The following KCNIP4 variants were observed in gnomAD, a reference collection of about 807,000 sequenced individuals.
KCNIP4 encodes the protein potassium voltage-gated channel interacting protein 4.
KCNIP4 carries 12 observed loss-of-function variants against 34.0 expected under a neutral mutation model. That is an observed-to-expected ratio of 0.35 (90% CI 0.23 to 0.57). KCNIP4 has a LOEUF of 0.57. Ranked by LOEUF, KCNIP4 falls within the 20% of genes least tolerant of loss-of-function variation. The pLI, the probability that KCNIP4 is intolerant of heterozygous loss-of-function variation, is 0.83. For missense variants in KCNIP4, 238 were observed against 311.7 expected (o/e 0.76, Z 1.78); for synonymous variants, 124 against 102.2 (o/e 1.21, Z -1.29).
intron 1 of KCNIP4, among the ~76,000 whole-genome samples, chr4:21,078,951 C>G (rs972690588): frequency 2.6e-5 from 4 of 152,054 alleles, no homozygotes; most frequent in Admixed American, 2.6e-4. Context: ...CTCTTTCACT[C>G]CATGCTTTAC....
At chr4:20,821,255 G>C (rs532563393) in intron 3 of KCNIP4, among the ~76,000 whole-genome samples, 1 of 152,108 alleles carries the variant, frequency 6.6e-6, no homozygotes, top group Non-Finnish European at 1.5e-5. Flanking sequence ...TTGCCTTGTC[G>C]GGTTTAAATT....
chr4:21,701,559 A>G (rs1712844288), intron 1 of KCNIP4, among the ~76,000 whole-genome samples: 1 of 152,216 alleles, frequency 6.6e-6, no homozygotes, highest in Non-Finnish European at 1.5e-5. Flanking sequence ...ACTTAAAAAT[A>G]TAAATAAATA....
intron 1 of KCNIP4, among the ~76,000 whole-genome samples, chr4:21,576,115 C>T (rs753143793): frequency 2.1e-4 from 32 of 152,234 alleles, no homozygotes; most frequent in South Asian, 8.3e-4. Context: ...TAGCAAATAT[C>T]GGTAGAATGA....
intron 1 of KCNIP4, among the ~76,000 whole-genome samples, chr4:21,556,930 A>AAAAAAAAAAAAAAAAAAAACAAAAC: frequency 9.2e-6 from 1 of 108,194 alleles, no homozygotes; most frequent in Non-Finnish European, 2.0e-5. Context: ...CAGAAAAAAA[A>AAAAAAAAAAAAAAAAAAAACAAAAC]AAAAAAAAAA....
chr4:21,633,913 T>G (rs1745933064), intron 1 of KCNIP4, among the ~76,000 whole-genome samples: 1 of 152,052 alleles, frequency 6.6e-6, no homozygotes. Context: ...CTTTAATATT[T>G]CGGTTATTAG....
rs148608559 is a variant in KCNIP4, at chr4:21,154,419, T to C, written c.62-271710A>G. Among the ~76,000 whole-genome samples, 1,069 of 152,336 alleles carry C rather than the reference T, an allele frequency of 7.0e-3. 10 individuals are homozygous for C. The highest frequency in any genetic ancestry group is 0.011 in the Non-Finnish European group (765 of 68,020). On this transcript the variant is annotated intron_variant, in intron 1 of 8. Transcript: ENST00000382152. ...TGAATGGTCATTATTTATTGTATCTTCAACCCATTTCTGAATCATGCCCAG... is the reference window on the plus strand; with the variant it reads ...TGAATGGTCATTATTTATTGTATCTCCAACCCATTTCTGAATCATGCCCAG...
chr4:20,970,580 A>G (rs1380060286), intron 1 of KCNIP4, among the ~76,000 whole-genome samples: 1 of 151,964 alleles, frequency 6.6e-6, no homozygotes, highest in Non-Finnish European at 1.5e-5. Context: ...GCTTGTCACA[A>G]CTCCCAGAAA....
intron 1 of KCNIP4, among the ~76,000 whole-genome samples, chr4:21,428,018 G>A (rs905602486): frequency 2.6e-5 from 4 of 152,184 alleles, no homozygotes; most frequent in Non-Finnish European, 4.4e-5. Context: ...CGCAAGAATG[G>A]AGGGTAAAGG....
chr4:20,777,868 T>C (rs1425301986), intron 3 of KCNIP4, among the ~76,000 whole-genome samples: 5 of 152,180 alleles, frequency 3.3e-5, no homozygotes, highest in Non-Finnish European at 7.3e-5. Context: ...CAGTTTGTGC[T>C]CCTTTAGCAC....
At chr4:21,578,917 C>T (rs1025810837) in intron 1 of KCNIP4, among the ~76,000 whole-genome samples, 3 of 152,166 alleles carry the variant, frequency 2.0e-5, no homozygotes, top group Middle Eastern at 3.2e-3. Context: ...GTTTTGCATG[C>T]TGCAGGTGCT....
chr4:21,252,294 A>T (rs1480692848), intron 1 of KCNIP4, among the ~76,000 whole-genome samples: 1 of 151,776 alleles, frequency 6.6e-6, no homozygotes, highest in Non-Finnish European at 1.5e-5. Context: ...CACCCTGCTA[A>T]CTTTTGTATT....
intron 1 of KCNIP4, among the ~76,000 whole-genome samples, chr4:21,277,469 A>G (rs972669134): frequency 3.3e-5 from 5 of 152,232 alleles, no homozygotes; most frequent in African/African-American, 1.2e-4. Context: ...TAAATGGAAC[A>G]AGAATAAGTA....
chr4:21,051,164 C>A (rs371953671), intron 1 of KCNIP4, among the ~76,000 whole-genome samples: 1 of 152,164 alleles, frequency 6.6e-6, no homozygotes, highest in South Asian at 2.1e-4. Context: ...ACTTGGGCTT[C>A]CCTTCTTTGA....
intron 3 of KCNIP4, among the ~76,000 whole-genome samples, chr4:20,821,854 A>T (rs200144609): frequency 2.0e-5 from 3 of 150,584 alleles, no homozygotes; most frequent in African/African-American, 7.3e-5. Context: ...GTGTGTGTGT[A>T]TGTGTGTGTG....
chr4:21,522,493 T>C (rs1420773601), intron 1 of KCNIP4, among the ~76,000 whole-genome samples: 2 of 152,020 alleles, frequency 1.3e-5, no homozygotes, highest in South Asian at 2.1e-4. Flanking sequence ...CCTGAGTAGC[T>C]ATGACTAAAT....
At chr4:21,151,067 C>G (rs1752717311) in intron 1 of KCNIP4, among the ~76,000 whole-genome samples, 1 of 152,080 alleles carries the variant, frequency 6.6e-6, no homozygotes, top group Non-Finnish European at 1.5e-5. Flanking sequence ...TTAAATAGTT[C>G]TAAGGACTAT....
chr4:21,948,389 C>T (rs566618548), intron 1 of KCNIP4, among the ~76,000 whole-genome samples, 182 bp downstream of exon 1: 1 of 152,250 alleles, frequency 6.6e-6, no homozygotes, highest in South Asian at 2.1e-4. Flanking sequence ...ATGCACCCCC[C>T]TCTCCTTTGC....
chr4:20,892,534 C>G (rs1045327712), intron 1 of KCNIP4, among the ~76,000 whole-genome samples: 1 of 152,102 alleles, frequency 6.6e-6, no homozygotes, highest in Admixed American at 6.5e-5. Flanking sequence ...TTGTGTCTCT[C>G]CTTTATCTTT....
At chr4:20,837,686 A>ATATATTT (rs1350419753) in intron 3 of KCNIP4, among the ~76,000 whole-genome samples, 5 of 117,398 alleles carry the variant, frequency 4.3e-5, no homozygotes, top group African/African-American at 1.7e-4. Context: ...ATATATATAT[A>ATATATTT]TTTTTTTTTC....
Sources: allele counts gnomAD v4.1 joint callset (sites outside exome capture counted in the v4.1 genomes callset), GRCh38; gene constraint gnomAD v4.1.1; transcripts MANE v1.5; gene names NCBI Gene and HGNC (gene_info 2026-07-23, HGNC 2026-07-21).